WRNIP1: variants seen among roughly 807,000 people sequenced by gnomAD.
The protein encoded by WRNIP1 is ATPase WRNIP1.
Under a neutral mutation model 56.1 loss-of-function variants are expected in WRNIP1, and 41 were observed. The observed-to-expected ratio is 0.73, with a 90% CI of 0.57 to 0.95. The LOEUF (loss-of-function observed/expected upper bound fraction) is 0.95. WRNIP1 is among the 40% of genes least tolerant of loss of function. The pLI is 0.00. For synonymous variants in WRNIP1, 547 were observed against 398.1 expected, an observed-to-expected ratio of 1.37 and a Z score of -4.45; for missense variants, 1,170 against 939.4, an observed-to-expected ratio of 1.25 and a Z score of -3.21.
chr6:2,774,277 C>G (rs1297465191), intron 3 of WRNIP1: 1 of 985,324 alleles, frequency 1.0e-6, no homozygotes, highest in Non-Finnish European at 1.2e-6. Context: ...GGATGCACTT[C>G]CTGTGGCTGC....
In WRNIP1 at chr6:2,765,825, G is replaced by C; in HGVS notation, c.203G>C (p.Gly68Ala). 2.2e-6 allele frequency: 3 copies of C among 1,361,038 alleles called. No homozygotes were observed. Among genetic ancestry groups the C allele is most frequent in the Non-Finnish European group, 2.8e-6 (3 of 1,061,290 alleles). The allele number at this position is 1,361,038 out of a possible 1,614,324, so 84.3% of individuals were successfully genotyped here. Residue 68 changes from glycine to alanine, a missense_variant, in exon 1 of 7, where the codon GGC (glycine) becomes GCC (alanine). Coordinates refer to ENST00000380773, the MANE Select transcript of WRNIP1 (RefSeq NM_020135.3). Reference sequence around the variant, plus strand: ...CGGGCCAAGGGGCCCTCGCCGCCCGGCGCCAAGAGGCGGCGGCTGTCGGAG... The same window carrying C: ...CGGGCCAAGGGGCCCTCGCCGCCCGCCGCCAAGAGGCGGCGGCTGTCGGAG... ...GERAKGPSPP[G>A]AKRRRLSESS... is the part of the protein sequence containing the mutation.
At chr6:2,774,244 G>C (rs1765380408) in intron 3 of WRNIP1, 3 of 985,312 alleles carry the variant, frequency 3.0e-6, no homozygotes, top group South Asian at 4.7e-5. Flanking sequence ...CCAGCAGCCA[G>C]AACCACAGAT....
In WRNIP1 at chr6:2,786,678, T is replaced by C. The variant is rs1308731688; in HGVS notation, c.*1396T>C. 1 of 126,752 alleles carries C rather than the reference T, an allele frequency of 7.9e-6. No homozygotes were observed. Among genetic ancestry groups the C allele is most frequent in the Admixed American group, 9.2e-5 (1 of 10,928 alleles). 7.9% of individuals were successfully genotyped at this position (126,752 alleles called of 1,614,324 possible). A position where few individuals can be genotyped will look rare whatever the true frequency, so the allele number is the denominator to read the frequency against. On this transcript the variant is annotated 3_prime_UTR_variant, in exon 7 of 7. Coordinates refer to ENST00000380773, the MANE Select transcript of WRNIP1 (RefSeq NM_020135.3). Reference sequence around the variant, plus strand: ...GTCTGAGGGTTTGGCTAGTAATAAATTGTAGGTAAGAAATTACTTGTGCAT... The same window carrying C: ...GTCTGAGGGTTTGGCTAGTAATAAACTGTAGGTAAGAAATTACTTGTGCAT...
chr6:2,775,650 A>G (rs1465798754), intron 3 of WRNIP1, among the ~76,000 whole-genome samples: 1 of 152,234 alleles, frequency 6.6e-6, no homozygotes, highest in African/African-American at 2.4e-5. Context: ...CCCAATGTGT[A>G]GAAAGCTTCA....
In WRNIP1 at chr6:2,779,405, C is replaced by T. The variant is rs1265476432; in HGVS notation, c.1399C>T (p.Gln467Ter). 1 of 1,614,144 alleles carries T rather than the reference C, an allele frequency of 6.2e-7. No individual in the cohort carries two copies. ...SRKMFCKKSG[Q>*]SYSPSRVLIT... ...GAAGATGTTCTGTAAGAAGAGTGGG[C>T]AATCCTATTCTCCCAGTAGAGTTCT... The change falls in exon 4 of 7, where the codon CAA becomes TAA. Residue 467 changes from glutamine to a stop codon, truncating the protein, a stop_gained. Coordinates refer to ENST00000380773, the MANE Select transcript of WRNIP1 (RefSeq NM_020135.3). LOFTEE classifies it high-confidence loss of function.
Position 2,765,783 on chromosome 6 carries a change from C to G in WRNIP1, c.161C>G (p.Ser54Trp). Residue 54 changes from serine to tryptophan, a missense_variant, in exon 1 of 7, where the codon TCG becomes TGG. By Grantham distance (177) the Ser-to-Trp change is radical. Transcript: ENST00000380773. ...GGGCACGCGGAGCCCGCGGCCGGGT[C>G]GCACCGCGCCGGGGAGCGGGCCAAG... ...PAGHAEPAAG[S>W]HRAGERAKGP... 3 of 1,434,122 alleles carry G rather than the reference C, an allele frequency of 2.1e-6. No individual in the cohort carries two copies. The highest frequency in any genetic ancestry group is 2.7e-6 in the Non-Finnish European group (3 of 1,094,740). 88.8% of individuals were successfully genotyped at this position (1,434,122 alleles called of 1,614,324 possible).
chr6:2,772,735 G>A (rs1209829903), intron 3 of WRNIP1, among the ~76,000 whole-genome samples: 2 of 152,166 alleles, frequency 1.3e-5, no homozygotes, highest in Non-Finnish European at 2.9e-5. Flanking sequence ...AGTGATTTCC[G>A]AATACAAGTA....
intron 3 of WRNIP1, 62 bp from the exon 4 acceptor site, chr6:2,779,201 A>G (rs1266590746): frequency 6.5e-7 from 1 of 1,535,714 alleles, no homozygotes; most frequent in Admixed American, 1.7e-5. Context: ...TTTCTAAGAC[A>G]TGTGCAGAAC....
At chr6:2,773,451 A>T (rs1469236882) in intron 3 of WRNIP1, 9 of 985,300 alleles carry the variant, frequency 9.1e-6, no homozygotes, top group Non-Finnish European at 1.1e-5. Context: ...AAGGATAAGC[A>T]GAATTTAACT....
chr6:2,785,413 G>C lies in WRNIP1; in HGVS notation c.*131G>C, dbSNP rs1423326680. The stretch of plus-strand genomic sequence containing the variant: ...AACATTTTGTGCCAGAAATTTAAGA[G>C]TTCCATAGGTGGAGGCGCAGTTCTT... On this transcript the variant is annotated 3_prime_UTR_variant, in exon 7 of 7. Coordinates refer to ENST00000380773, the MANE Select transcript of WRNIP1 (RefSeq NM_020135.3). 3 of 1,029,274 alleles carry C rather than the reference G, an allele frequency of 2.9e-6. No homozygotes were observed. The highest frequency in any genetic ancestry group is 4.2e-6 in the Non-Finnish European group (3 of 718,482). 63.8% of individuals were successfully genotyped at this position (1,029,274 alleles called of 1,614,324 possible). A position where few individuals can be genotyped will look rare whatever the true frequency, so the allele number is the denominator to read the frequency against.
At chr6:2,771,274 ATGTGTC>A (rs1765269868) in intron 3 of WRNIP1, among the ~76,000 whole-genome samples, 1 of 152,156 alleles carries the variant, frequency 6.6e-6, no homozygotes, top group Non-Finnish European at 1.5e-5. Context: ...GGCTCTCCCT[ATGTGTC>A]TGGCCCCATT....
Position 2,783,434 on chromosome 6 carries a change from CCT to C in WRNIP1, c.1516_1517del (p.Leu506AlafsTer66). 1 of 1,611,184 alleles carries C rather than the reference CCT, an allele frequency of 6.2e-7. No individual in the cohort carries two copies. The highest frequency in any genetic ancestry group is 8.5e-7 in the Non-Finnish European group (1 of 1,178,374). On this transcript the variant is annotated frameshift_variant, in exon 5 of 7. Coordinates refer to ENST00000380773, the MANE Select transcript of WRNIP1 (RefSeq NM_020135.3). LOFTEE classifies it high-confidence loss of function. ...GEEHYNCISA[L>X]HKSMRGSDQN... Reference sequence around the variant, plus strand: ...AGGAGCATTACAACTGCATCTCCGCCCTGCACAAGTCCATGCGGGGCTCAGAC... The same window carrying C: ...AGGAGCATTACAACTGCATCTCCGCCGCACAAGTCCATGCGGGGCTCAGAC...
Position 2,770,370 on chromosome 6 carries a change from A to T in WRNIP1, c.1256+9A>T, listed in dbSNP as rs900978730. 1 of 1,613,862 alleles carries T rather than the reference A, an allele frequency of 6.2e-7. No individual in the cohort carries two copies. Among genetic ancestry groups the T allele is most frequent in the Non-Finnish European group, 8.5e-7 (1 of 1,179,966 alleles). On this transcript the variant is annotated intron_variant, in intron 3 of 6. Transcript: ENST00000380773. ...AGCAACAGCAGCTCAGAGTAAGTTG[A>T]CAGTGTGCAGCGTCCTGGGGGCACA...
chr6:2,766,514 C>G (rs1389538743), intron 1 of WRNIP1, 70 bp downstream of exon 1: 2 of 1,434,258 alleles, frequency 1.4e-6, no homozygotes, highest in Non-Finnish European at 1.8e-6. Context: ...GGTCGGAGAG[C>G]CGGGTGTGCT....
chr6:2,779,476 T>A lies in WRNIP1; in HGVS notation c.1470T>A (p.Ile490=), dbSNP rs745360828. ...DVKEGLQRSH[I]LYDRAGEEHY... ...AGGAGGGCCTACAGCGATCCCACAT[T>A]TTATATGACCGGGCAGGTAAGTAAT... The change falls in exon 4 of 7, where the codon ATT becomes ATA. Residue 490 remains isoleucine, a synonymous_variant. Coordinates refer to ENST00000380773, the MANE Select transcript of WRNIP1 (RefSeq NM_020135.3). 1.9e-5 allele frequency: 30 copies of A among 1,613,742 alleles called. No individual in the cohort carries two copies. The highest frequency in any genetic ancestry group is 2.7e-5 in the African/African-American group (2 of 74,912).
intron 4 of WRNIP1, among the ~76,000 whole-genome samples, chr6:2,782,383 C>T (rs1239240096): frequency 6.6e-6 from 1 of 152,250 alleles, no homozygotes; most frequent in Non-Finnish European, 1.5e-5. Context: ...AGCCGTGGGT[C>T]CTGCAGGTCT....
rs1207451515 is a variant in WRNIP1 at position 2,767,814 on chromosome 6, G to A, written c.823-877G>A. Among the ~76,000 whole-genome samples the A allele has an allele frequency of 3.3e-5, 5 of 152,190 alleles. No individual in the cohort carries two copies. In the East Asian group the frequency reaches 9.6e-4, roughly 29 times the overall value. On this transcript the variant is annotated intron_variant, in intron 1 of 6. Transcript: ENST00000380773. ...TTGGGTGGTCCAGGCTGCTCAGTGA[G>A]ATGGGCGTTGGTCATTTGCAAGCCT...
chr6:2,765,578 G>A lies in WRNIP1; in HGVS notation c.-45G>A, dbSNP rs1045469699. 7.0e-7 allele frequency: 1 copy of A among 1,432,428 alleles called. No individual in the cohort carries two copies. Among genetic ancestry groups the A allele is most frequent in the Non-Finnish European group, 9.1e-7 (1 of 1,099,348 alleles). 88.7% of individuals were successfully genotyped at this position (1,432,428 alleles called of 1,614,324 possible). ...GCATCGAAGGCCTCCGCGTGCGCAC[G>A]GGTTGCTGCGGCCGCGCCGGGCGCC... is the stretch of plus-strand genomic sequence containing the variant. On this transcript the variant is annotated 5_prime_UTR_variant, in exon 1 of 7. Transcript: ENST00000380773.
chr6:2,784,875 G>A, intron 6 of WRNIP1, 132 bp from the exon 7 acceptor site: 1 of 1,188,508 alleles, frequency 8.4e-7, no homozygotes, highest in Non-Finnish European at 1.2e-6. Context: ...CCAGACTGTA[G>A]GCGCAAAAGG....
Sources: allele counts gnomAD v4.1 joint callset (sites outside exome capture counted in the v4.1 genomes callset), GRCh38; gene constraint gnomAD v4.1.1; transcripts MANE v1.5; gene names NCBI Gene and HGNC (gene_info 2026-07-23, HGNC 2026-07-21).